The following HYCC1 variants were observed in gnomAD, a reference collection of about 807,000 sequenced individuals.
The protein encoded by HYCC1 is hyccin PI4KA lipid kinase complex subunit 1.
the HYCC1 span, among the ~76,000 whole-genome samples, chr7:22,901,721 T>C: frequency 6.6e-6 from 1 of 152,106 alleles, no homozygotes; most frequent in East Asian, 1.9e-4. Flanking sequence ...GAGCAATCCA[T>C]CAGAAAGACA....
chr7:22,996,597 T>TAAAA, the HYCC1 span, among the ~76,000 whole-genome samples: 185 of 106,520 alleles, frequency 1.7e-3, 4 homozygotes, highest in African/African-American at 4.5e-3. Flanking sequence ...GTACAATTGT[T>TAAAA]AAAAAAAAAA....
chr7:22,977,324 G>A, the HYCC1 span: 2 of 1,470,114 alleles, frequency 1.4e-6, no homozygotes, highest in Non-Finnish European at 1.9e-6. Context: ...AACTTACTGT[G>A]ATAAAATGTC....
chr7:22,974,901 G>A, the HYCC1 span, among the ~76,000 whole-genome samples: 1 of 152,166 alleles, frequency 6.6e-6, no homozygotes, highest in Non-Finnish European at 1.5e-5. Flanking sequence ...ATAAAGGGGA[G>A]TTCTCCTGCA....
chr7:22,973,848 A>C, the HYCC1 span, among the ~76,000 whole-genome samples: 1 of 152,230 alleles, frequency 6.6e-6, no homozygotes, highest in Non-Finnish European at 1.5e-5. Context: ...ACTACGTTAG[A>C]GTTAGATAGG....
the HYCC1 span, among the ~76,000 whole-genome samples, chr7:22,901,352 T>C: frequency 8.7e-6 from 1 of 115,226 alleles, no homozygotes; most frequent in African/African-American, 3.4e-5. Flanking sequence ...AAACTAAAAA[T>C]AGAAAAAAAT....
the HYCC1 span, chr7:22,990,929 T>TA: frequency 9.1e-6 from 6 of 662,374 alleles, no homozygotes; most frequent in Non-Finnish European, 1.6e-5. Context: ...AACTCTCTAT[T>TA]GAGATTTGAT....
At chr7:22,958,747 T>C in the HYCC1 span, among the ~76,000 whole-genome samples, 1 of 152,156 alleles carries the variant, frequency 6.6e-6, no homozygotes, top group Non-Finnish European at 1.5e-5. Context: ...CTCTCTCATA[T>C]ACACACATAT....
At chr7:22,917,884 C>T in the HYCC1 span, among the ~76,000 whole-genome samples, 2 of 152,176 alleles carry the variant, frequency 1.3e-5, no homozygotes, top group African/African-American at 4.8e-5. Context: ...TATTCTCGTT[C>T]CCATTCTTAT....
At chr7:22,960,162 A>G in the HYCC1 span, 8 of 1,300,710 alleles carry the variant, frequency 6.2e-6, no homozygotes, top group Non-Finnish European at 8.9e-6. Flanking sequence ...CCAGATTACT[A>G]TTTACTGAAG....
chr7:22,946,195 A>G, the HYCC1 span: 1 of 1,575,286 alleles, frequency 6.3e-7, no homozygotes, highest in South Asian at 1.1e-5. Flanking sequence ...ATTAATTAAC[A>G]TTAAGTATTT....
At chr7:22,940,905 G>A in the HYCC1 span, 1 of 151,232 alleles carries the variant, frequency 6.6e-6, no homozygotes, top group East Asian at 1.9e-4. Flanking sequence ...CTCCTGAGTA[G>A]TTGGGACTAC....
chr7:22,978,409 G>A, the HYCC1 span: 4 of 1,613,766 alleles, frequency 2.5e-6, no homozygotes, highest in Admixed American at 1.7e-5. Context: ...TCTCCACTGC[G>A]ATAGAATTCA....
chr7:22,906,279 A>G, the HYCC1 span, among the ~76,000 whole-genome samples: 1 of 152,176 alleles, frequency 6.6e-6, no homozygotes, highest in Non-Finnish European at 1.5e-5. Flanking sequence ...GGACTCGTGT[A>G]TTTATCTCAG....
chr7:23,013,966 T>A, the HYCC1 span: 1 of 470,778 alleles, frequency 2.1e-6, no homozygotes. Flanking sequence ...CCTCGACTCG[T>A]GAGGCTCTCA....
At chr7:22,913,220 G>T in the HYCC1 span, among the ~76,000 whole-genome samples, 1 of 152,164 alleles carries the variant, frequency 6.6e-6, no homozygotes, top group Non-Finnish European at 1.5e-5. Flanking sequence ...CCCTGCCTAA[G>T]TTTAATTGGA....
At chr7:22,931,084 CT>C in the HYCC1 span, among the ~76,000 whole-genome samples, 1 of 151,906 alleles carries the variant, frequency 6.6e-6, no homozygotes, top group African/African-American at 2.4e-5. Flanking sequence ...GAAATAGTGT[CT>C]CTGCAAATGA....
At chr7:22,932,408 G>A in the HYCC1 span, among the ~76,000 whole-genome samples, 1 of 152,112 alleles carries the variant, frequency 6.6e-6, no homozygotes, top group Admixed American at 6.6e-5. Context: ...CTTACATCTT[G>A]AATCTTAATG....
the HYCC1 span, among the ~76,000 whole-genome samples, chr7:23,008,591 A>T: frequency 6.6e-6 from 1 of 152,076 alleles, no homozygotes; most frequent in Non-Finnish European, 1.5e-5. Flanking sequence ...AGACAATAAT[A>T]AGTATTCACA....
chr7:22,925,906 G>C, the HYCC1 span, among the ~76,000 whole-genome samples: 1 of 152,046 alleles, frequency 6.6e-6, no homozygotes, highest in Non-Finnish European at 1.5e-5. Flanking sequence ...TGAAATGAAG[G>C]AAAAAATGTT....
Sources: allele counts gnomAD v4.1 joint callset (sites outside exome capture counted in the v4.1 genomes callset), GRCh38; gene constraint gnomAD v4.1.1; transcripts MANE v1.5; gene names NCBI Gene and HGNC (gene_info 2026-07-23, HGNC 2026-07-21).